Variants in SOX5 observed in about 807,000 individuals in gnomAD.
SOX5 encodes transcription factor SOX-5.
In SOX5, 9 loss-of-function variants were observed where a neutral mutation model predicts 92.0. The observed-to-expected ratio is 0.10, with a 90% CI of 0.06 to 0.17. The LOEUF (loss-of-function observed/expected upper bound fraction) is 0.17. SOX5 is among the 10% of genes least tolerant of loss of function. The probability of loss-of-function intolerance (pLI) is 1.00; values close to 1 mark genes in which losing one functional copy is unlikely to be tolerated. For missense variants in SOX5, 642 were observed against 944.5 expected, an observed-to-expected ratio of 0.68 and a Z score of 4.20; for synonymous variants, 344 against 336.3, an observed-to-expected ratio of 1.02 and a Z score of -0.25.
At position 24,005,184 on chromosome 12, in the gene SOX5, T is replaced by TAAA. The variant is rs569552268; in HGVS notation, c.-1-109163_-1-109161dup. On this transcript the variant is annotated intron_variant, in intron 4 of 4. Transcript: ENST00000446891. The stretch of plus-strand genomic sequence containing the variant: ...AGGTAGCACAGCTCTATAAACTTAC[T>TAAA]AAAAAAAAAAAAATCACTGAATTGT... 3.1e-3 allele frequency among the ~76,000 whole-genome samples: 432 copies of TAAA among 140,250 alleles called. 4 individuals are homozygous for TAAA. Among genetic ancestry groups the TAAA allele is most frequent in the African/African-American group, 0.011 (423 of 38,472 alleles). 92.0% of individuals were successfully genotyped at this position (140,250 alleles called of 152,430 possible). A position where few individuals can be genotyped will look rare whatever the true frequency, so the allele number is the denominator to read the frequency against.
intron 3 of SOX5, among the ~76,000 whole-genome samples, chr12:24,239,929 A>G (rs1222016055): frequency 6.6e-6 from 1 of 152,156 alleles, no homozygotes; most frequent in Non-Finnish European, 1.5e-5. Flanking sequence ...GACATAAGGA[A>G]TAAAACTGCA....
chr12:23,590,838 T>C (rs1951434885), intron 9 of SOX5, among the ~76,000 whole-genome samples: 1 of 152,048 alleles, frequency 6.6e-6, no homozygotes, highest in African/African-American at 2.4e-5. Context: ...AAACAACGTA[T>C]TGCTTTGTTT....
intron 2 of SOX5, among the ~76,000 whole-genome samples, chr12:23,849,543 T>C (rs1477743296): frequency 6.6e-6 from 1 of 152,166 alleles, no homozygotes; most frequent in Admixed American, 6.6e-5. Context: ...AGAGCCCTCA[T>C]TCTTAACCAT....
intron 11 of SOX5, among the ~76,000 whole-genome samples, chr12:23,547,540 T>C (rs1943374244): frequency 6.6e-6 from 1 of 152,096 alleles, no homozygotes. Context: ...CACCAAGAAC[T>C]AATGAGATAT....
At chr12:24,149,130 T>C (rs901267646) in intron 4 of SOX5, among the ~76,000 whole-genome samples, 11 of 152,100 alleles carry the variant, frequency 7.2e-5, no homozygotes, top group African/African-American at 2.4e-4. Context: ...AAAAAAGTTC[T>C]AGAAGAAAAC....
At chr12:23,987,737 G>T (rs1265471881) in intron 4 of SOX5, among the ~76,000 whole-genome samples, 1 of 152,198 alleles carries the variant, frequency 6.6e-6, no homozygotes, top group African/African-American at 2.4e-5. Flanking sequence ...AGGTTGCAGC[G>T]AGCTGCGATC....
At chr12:23,687,984 T>C (rs1174536577) in intron 6 of SOX5, among the ~76,000 whole-genome samples, 8 of 152,082 alleles carry the variant, frequency 5.3e-5, no homozygotes, top group African/African-American at 1.9e-4. Flanking sequence ...TAGACAATAG[T>C]ATTGGTTCCA....
At chr12:23,863,980 CTT>C (rs34769335) in intron 2 of SOX5, among the ~76,000 whole-genome samples, 2 of 146,234 alleles carry the variant, frequency 1.4e-5, no homozygotes, top group Non-Finnish European at 1.5e-5. Context: ...ACAAATATAG[CTT>C]TTTTTTTTTT....
At chr12:23,859,352 G>A (rs1028412756) in intron 2 of SOX5, among the ~76,000 whole-genome samples, 1 of 152,148 alleles carries the variant, frequency 6.6e-6, no homozygotes, top group Admixed American at 6.6e-5. Flanking sequence ...ACCGCTCTGG[G>A]AATGTTTGTC....
intron 1 of SOX5, among the ~76,000 whole-genome samples, chr12:24,389,023 G>A (rs2136458349): frequency 6.6e-6 from 1 of 152,098 alleles, no homozygotes; most frequent in Middle Eastern, 3.4e-3. Context: ...AGTTACATAT[G>A]TATACATGTG....
chr12:24,255,760 T>G (rs1287669723), intron 3 of SOX5, among the ~76,000 whole-genome samples: 1 of 152,210 alleles, frequency 6.6e-6, no homozygotes, highest in Non-Finnish European at 1.5e-5. Context: ...TCTAAGTCCT[T>G]CTTTCCCGGA....
intron 3 of SOX5, among the ~76,000 whole-genome samples, chr12:23,822,143 G>A (rs2096132129): frequency 6.6e-6 from 1 of 152,074 alleles, no homozygotes; most frequent in Admixed American, 6.6e-5. Context: ...TCTGATCTTA[G>A]TTATTTCTTG....
chr12:23,795,224 G>A (rs2095541556), intron 3 of SOX5, among the ~76,000 whole-genome samples: 1 of 151,418 alleles, frequency 6.6e-6, no homozygotes. Context: ...TAAGAGTAGT[G>A]CATTTTTAAA....
chr12:24,114,859 C>T (rs1947811728), intron 4 of SOX5, among the ~76,000 whole-genome samples: 1 of 151,842 alleles, frequency 6.6e-6, no homozygotes, highest in Non-Finnish European at 1.5e-5. Context: ...TCCCTTGAGC[C>T]CTGGAGTTCA....
chr12:24,165,957 T>C lies in SOX5; in HGVS notation c.-2+47386A>G, dbSNP rs75206348. ...GAAGATGTGACAAACATGTAGAGGA[T>C]GTTTTGGAAAACAACCATACTAGAA... On this transcript the variant is annotated intron_variant, in intron 4 of 4. Coordinates refer to the SOX5 transcript ENST00000446891. 5.5e-3 allele frequency among the ~76,000 whole-genome samples: 832 copies of C among 152,190 alleles called. 5 individuals carry two copies. Among genetic ancestry groups the C allele is most frequent in the African/African-American group, 0.019 (797 of 41,524 alleles).
rs187427781 is a variant in SOX5, at chr12:23,563,445, C to T, written c.1343-42G>A. On this transcript the variant is annotated intron_variant, in intron 10 of 14. Transcript: ENST00000451604. ...TCAAAGGATATCTTTTGTATAAAAG[C>T]ATGTCTAGGCTAGCGTTTAACCATA... is the stretch of plus-strand genomic sequence containing the variant. 2.6e-5 allele frequency: 41 copies of T among 1,585,004 alleles called. No homozygotes were observed. In the African/African-American group the frequency reaches 4.2e-4, roughly 16 times the overall value.
chr12:24,374,584 G>C (rs1957065402), intron 1 of SOX5, among the ~76,000 whole-genome samples: 1 of 152,068 alleles, frequency 6.6e-6, no homozygotes, highest in Admixed American at 6.5e-5. Context: ...GGCATGGGGA[G>C]AAAAGGGGGA....
intron 1 of SOX5, among the ~76,000 whole-genome samples, chr12:24,438,419 TTAAAG>T (rs1327714578): frequency 8.5e-5 from 13 of 152,196 alleles, no homozygotes; most frequent in African/African-American, 2.9e-4. Context: ...ACCCCAGGAC[TTAAAG>T]TATAGTTAAA....
At chr12:23,813,294 C>T (rs2095912644) in intron 3 of SOX5, among the ~76,000 whole-genome samples, 1 of 152,120 alleles carries the variant, frequency 6.6e-6, no homozygotes. Flanking sequence ...TTAATTTATA[C>T]AACAAACTAA....
Sources: gnomAD v4.1 joint callset for allele counts (sites outside exome capture counted in the v4.1 genomes callset) on GRCh38, gnomAD v4.1.1 for gene constraint, MANE v1.5 for transcripts, NCBI Gene and HGNC (gene_info 2026-07-23, HGNC 2026-07-21) for gene names.